The following CCDC30 variants were observed in gnomAD, a reference collection of about 807,000 sequenced individuals.
CCDC30 encodes coiled-coil domain-containing protein 30.
A neutral mutation model predicts 100.2 loss-of-function variants in CCDC30; 70 were observed. The observed-to-expected ratio is 0.70, with a 90% confidence interval of 0.58 to 0.85. CCDC30 has a LOEUF of 0.85. Ranked by LOEUF, CCDC30 falls within the 40% of genes least tolerant of loss-of-function variation. The pLI is 0.00. For missense variants in CCDC30, 652 were observed against 771.2 expected, an observed-to-expected ratio of 0.85 and a Z score of 1.83; for synonymous variants, 233 against 269.5, an observed-to-expected ratio of 0.86 and a Z score of 1.33.
At chr1:42,612,048 A>T (rs1327295228) in intron 11 of CCDC30, among the ~76,000 whole-genome samples, 2 of 151,782 alleles carry the variant, frequency 1.3e-5, no homozygotes, top group East Asian at 3.9e-4. Context: ...TCCCAAGTTC[A>T]CTCCTAGTGT....
chr1:42,586,435 T>G (rs911345414), intron 9 of CCDC30, among the ~76,000 whole-genome samples: 3 of 151,956 alleles, frequency 2.0e-5, no homozygotes, highest in African/African-American at 7.3e-5. Context: ...ACCTACTGAG[T>G]AGCTAGGACT....
At chr1:42,541,967 G>C (rs1453866439) in intron 6 of CCDC30, among the ~76,000 whole-genome samples, 1 of 152,176 alleles carries the variant, frequency 6.6e-6, no homozygotes, top group Non-Finnish European at 1.5e-5. Context: ...AAGGCCCAGG[G>C]ATATTAGACT....
chr1:42,528,720 A>G (rs754121166), intron 6 of CCDC30, among the ~76,000 whole-genome samples: 13 of 152,324 alleles, frequency 8.5e-5, no homozygotes, highest in Non-Finnish European at 1.5e-4. Flanking sequence ...CTGGGAAGAG[A>G]AGCAAGTACT....
chr1:42,566,485 G>A lies in CCDC30; in HGVS notation c.636+10G>A, dbSNP rs1417262004. On this transcript the variant is annotated intron_variant, in intron 7 of 16. Transcript: ENST00000668663. ...GGAAGAAAACATTAAGGTAACTCTT[G>A]TGGGCAAATGCTTTATGGAAGGGTT... is the stretch of plus-strand genomic sequence containing the variant. 5.0e-6 allele frequency: 8 copies of A among 1,608,386 alleles called. No homozygotes were observed. Among genetic ancestry groups the A allele is most frequent in the Non-Finnish European group, 6.0e-6 (7 of 1,176,150 alleles).
At chr1:42,598,102 A>T (rs760176226) in intron 10 of CCDC30, among the ~76,000 whole-genome samples, 1 of 152,186 alleles carries the variant, frequency 6.6e-6, no homozygotes, top group Non-Finnish European at 1.5e-5. Flanking sequence ...CAGGAGTTCA[A>T]GGCTGCAGGA....
intron 11 of CCDC30, among the ~76,000 whole-genome samples, chr1:42,633,070 A>C (rs1250364863): frequency 6.6e-6 from 1 of 152,100 alleles, no homozygotes; most frequent in Non-Finnish European, 1.5e-5. Flanking sequence ...TCTGCCTCCC[A>C]AAGTGCTGGG....
At chr1:42,500,052 G>A (rs116407039) in intron 6 of CCDC30, among the ~76,000 whole-genome samples, 18 of 152,242 alleles carry the variant, frequency 1.2e-4, no homozygotes, top group Non-Finnish European at 2.1e-4. Context: ...CACAGCCTTC[G>A]TTGTCAGTAG....
intron 7 of CCDC30, among the ~76,000 whole-genome samples, chr1:42,573,025 C>T (rs898372963): frequency 2.0e-5 from 3 of 152,178 alleles, no homozygotes; most frequent in Non-Finnish European, 4.4e-5. Context: ...TAAATATTAA[C>T]ATTTGATAGA....
chr1:42,642,438 CT>C (rs1327279348), intron 12 of CCDC30, 34 bp from the exon 17 acceptor site: 3 of 1,443,714 alleles, frequency 2.1e-6, no homozygotes, highest in Non-Finnish European at 2.7e-6. Flanking sequence ...ATACTTTCTC[CT>C]GCTGTGGTAA....
intron 15 of CCDC30, among the ~76,000 whole-genome samples, chr1:42,650,325 C>T (rs894913347): frequency 1.3e-5 from 2 of 151,766 alleles, no homozygotes; most frequent in Admixed American, 6.6e-5. Flanking sequence ...ATTGCAAAAC[C>T]CTATCTCTAC....
chr1:42,590,873 T>G (rs1646173672), intron 10 of CCDC30: 1 of 152,238 alleles, frequency 6.6e-6, no homozygotes, highest in Admixed American at 6.5e-5. Context: ...TATTGGGAAC[T>G]GGAATAAACG....
At chr1:42,527,802 G>GTT in intron 6 of CCDC30, among the ~76,000 whole-genome samples, 1 of 151,656 alleles carries the variant, frequency 6.6e-6, no homozygotes, top group South Asian at 2.1e-4. Context: ...GGGTAGTTGT[G>GTT]TTTTCTAATC....
At chr1:42,625,244 CT>C (rs1467719908) in intron 11 of CCDC30, among the ~76,000 whole-genome samples, 7 of 152,048 alleles carry the variant, frequency 4.6e-5, no homozygotes, top group African/African-American at 1.7e-4. Context: ...TTTTTTGTCC[CT>C]GATTTTATTT....
the CCDC30 span, chr1:42,457,391 C>T: frequency 6.5e-7 from 1 of 1,547,642 alleles, no homozygotes. Flanking sequence ...TCCCATATAA[C>T]CAATCTTGGG....
chr1:42,522,245 G>A (rs2148504795), intron 6 of CCDC30, among the ~76,000 whole-genome samples: 1 of 152,038 alleles, frequency 6.6e-6, no homozygotes, highest in African/African-American at 2.4e-5. Flanking sequence ...TGGCAGATAT[G>A]GAACCCACAG....
At chr1:42,561,782 AACC>A (rs1645493033) in intron 6 of CCDC30, among the ~76,000 whole-genome samples, 1 of 152,210 alleles carries the variant, frequency 6.6e-6, no homozygotes. Flanking sequence ...AATGTGCAAA[AACC>A]ACAAGTATTC....
chr1:42,641,215 TTGTGTG>T (rs71065188), intron 12 of CCDC30, among the ~76,000 whole-genome samples: 1,745 of 132,410 alleles, frequency 0.013, 18 homozygotes, highest in African/African-American at 0.029. Flanking sequence ...CACATGGCTT[TTGTGTG>T]TGTGTGTGTG....
At chr1:42,515,222 A>G (rs1488945610) in intron 6 of CCDC30, among the ~76,000 whole-genome samples, 1 of 149,432 alleles carries the variant, frequency 6.7e-6, no homozygotes, top group Non-Finnish European at 1.5e-5. Context: ...AAAAAAAAAC[A>G]AGAATAAGCA....
chr1:42,654,005 C>T lies in CCDC30; in HGVS notation c.2110C>T (p.Gln704Ter), dbSNP rs773922233. The change falls in exon 17 of 17, where the codon CAA (glutamine) becomes TAA (stop). Residue 704 changes from glutamine to a stop codon, truncating the protein, a stop_gained. Coordinates refer to ENST00000668663, the Ensembl canonical transcript of CCDC30. LOFTEE classifies it high-confidence loss of function. Reference sequence around the variant, plus strand: ...GAAGGAGACACATGGTATACAAGAACAAGACCAAAAGTCAGAACTATAAAA... The same window carrying T: ...GAAGGAGACACATGGTATACAAGAATAAGACCAAAAGTCAGAACTATAAAA... 18 of 1,613,716 alleles carry T rather than the reference C, an allele frequency of 1.1e-5. No homozygotes were observed. The highest frequency in any genetic ancestry group is 1.4e-5 in the Non-Finnish European group (16 of 1,179,660).
Sources: allele counts gnomAD v4.1 joint callset (sites outside exome capture counted in the v4.1 genomes callset), GRCh38; gene constraint gnomAD v4.1.1; transcripts MANE v1.5; gene names NCBI Gene and HGNC (gene_info 2026-07-23, HGNC 2026-07-21).